The following ABCC4 variants were observed in gnomAD, a reference collection of about 807,000 sequenced individuals.
ABCC4 encodes ATP-binding cassette sub-family C member 4.
A neutral mutation model predicts 168.5 loss-of-function variants in ABCC4; 102 were observed. The ratio of observed to expected loss-of-function variants is 0.61; its 90% confidence interval spans 0.52 to 0.71. The LOEUF (loss-of-function observed/expected upper bound fraction) is 0.71, where lower values mean the gene tolerates loss of function less well. Among genes scored for constraint, ABCC4 ranks in the 30% least tolerant of loss-of-function variants. The pLI is 0.00. For missense variants in ABCC4, 1,402 were observed against 1,605.8 expected, an observed-to-expected ratio of 0.87 and a Z score of 2.17; for synonymous variants, 617 against 590.7, an observed-to-expected ratio of 1.04 and a Z score of -0.65.
In ABCC4 at chr13:95,142,583, T is replaced by TA. The variant is rs575698241; in HGVS notation, c.2455+18605dup. Among the ~76,000 whole-genome samples the TA allele has an allele frequency of 5.4e-3, 784 of 143,878 alleles. 1 individual carries two copies. The highest frequency in any genetic ancestry group is 0.013 in the South Asian group (61 of 4,564). The allele number at this position is 143,878 out of a possible 152,430, so 94.4% of individuals were successfully genotyped here. A position where few individuals can be genotyped will look rare whatever the true frequency, so the allele number is the denominator to read the frequency against. On this transcript the variant is annotated intron_variant, in intron 19 of 30. Transcript: ENST00000645237. ...CCTGCTCCCCAATAGCCTATGGAAA[T>TA]AAAAAAAAAAATTTTTAAATTTAAC...
chr13:95,168,113 C>T (rs567597848), intron 14 of ABCC4, among the ~76,000 whole-genome samples: 1 of 152,178 alleles, frequency 6.6e-6, no homozygotes, highest in East Asian at 1.9e-4. Flanking sequence ...AGTGATTCCC[C>T]CCGACACCCT....
intron 3 of ABCC4, among the ~76,000 whole-genome samples, chr13:95,238,195 GAAAAAAA>G (rs10644641): frequency 1.1e-4 from 7 of 65,872 alleles, no homozygotes; most frequent in African/African-American, 2.4e-4. Flanking sequence ...CTCCATCTCA[GAAAAAAA>G]AAAAAAAAAA....
intron 19 of ABCC4, among the ~76,000 whole-genome samples, chr13:95,145,448 C>A (rs1230995070): frequency 1.3e-5 from 2 of 150,860 alleles, no homozygotes; most frequent in African/African-American, 4.9e-5. Flanking sequence ...TGGTAAAACC[C>A]CATCTCTACC....
chr13:95,058,589 A>G (rs7319462), intron 26 of ABCC4, among the ~76,000 whole-genome samples: 3 of 39,896 alleles, frequency 7.5e-5, no homozygotes, highest in South Asian at 1.5e-3. Flanking sequence ...AAAAAAAAAA[A>G]AAAGAAAAGA....
intron 1 of ABCC4, among the ~76,000 whole-genome samples, chr13:95,266,885 T>TC (rs1378736997): frequency 6.7e-6 from 1 of 150,204 alleles, no homozygotes; most frequent in Non-Finnish European, 1.5e-5. Flanking sequence ...TCATCTTTTT[T>TC]TTTTTTTTTT....
intron 1 of ABCC4, among the ~76,000 whole-genome samples, chr13:95,274,900 A>C (rs1446873906): frequency 2.0e-5 from 3 of 152,090 alleles, no homozygotes; most frequent in Non-Finnish European, 4.4e-5. Flanking sequence ...AACATGGTAC[A>C]ACCCTGTCTC....
chr13:95,219,471 T>C (rs2039250704), intron 4 of ABCC4, among the ~76,000 whole-genome samples: 1 of 152,166 alleles, frequency 6.6e-6, no homozygotes, highest in African/African-American at 2.4e-5. Context: ...AAATGCAGTA[T>C]ACCCCCATTG....
chr13:95,090,841 C>G (rs746313881), intron 20 of ABCC4, among the ~76,000 whole-genome samples: 1 of 151,938 alleles, frequency 6.6e-6, no homozygotes, highest in Non-Finnish European at 1.5e-5. Context: ...CAGGGGGGCA[C>G]CAGAGAAAGG....
intron 29 of ABCC4, among the ~76,000 whole-genome samples, chr13:95,042,675 T>C (rs992945024): frequency 6.6e-6 from 1 of 152,216 alleles, no homozygotes; most frequent in Non-Finnish European, 1.5e-5. Context: ...ACAGCGCTGA[T>C]GGATCAAGAA....
intron 27 of ABCC4, among the ~76,000 whole-genome samples, chr13:95,046,452 G>A (rs555985793): frequency 1.6e-4 from 24 of 152,132 alleles, no homozygotes; most frequent in African/African-American, 5.1e-4. Flanking sequence ...TGATTGAATC[G>A]GGGATGGTTA....
intron 3 of ABCC4, among the ~76,000 whole-genome samples, chr13:95,244,670 A>AAAGAAATCAATCAATC (rs72377318): frequency 4.7e-5 from 5 of 106,356 alleles, no homozygotes; most frequent in Non-Finnish European, 8.2e-5. Context: ...AGAAAGAAAG[A>AAAGAAATCAATCAATC]AATCATAGCA....
At chr13:95,220,362 C>G (rs1017172682) in intron 4 of ABCC4, among the ~76,000 whole-genome samples, 1 of 152,084 alleles carries the variant, frequency 6.6e-6, no homozygotes, top group African/African-American at 2.4e-5. Flanking sequence ...CGTGATTTTC[C>G]TTTTTTCCTA....
intron 13 of ABCC4, among the ~76,000 whole-genome samples, chr13:95,173,581 G>A (rs1237262464): frequency 6.6e-6 from 1 of 152,214 alleles, no homozygotes; most frequent in African/African-American, 2.4e-5. Flanking sequence ...GTGCATGGCT[G>A]GAGGACTGGT....
At chr13:95,271,258 C>T (rs2040840119) in intron 1 of ABCC4, among the ~76,000 whole-genome samples, 1 of 152,072 alleles carries the variant, frequency 6.6e-6, no homozygotes, top group Non-Finnish European at 1.5e-5. Flanking sequence ...AGACAGCTGC[C>T]GACGGATTAC....
intron 19 of ABCC4, among the ~76,000 whole-genome samples, chr13:95,116,241 T>C (rs2035375488): frequency 6.6e-6 from 1 of 152,086 alleles, no homozygotes; most frequent in African/African-American, 2.4e-5. Flanking sequence ...TTTAAAAGAA[T>C]TAAGGGAAAA....
chr13:95,197,687 A>G (rs2038497876), intron 8 of ABCC4, among the ~76,000 whole-genome samples: 1 of 152,254 alleles, frequency 6.6e-6, no homozygotes, highest in African/African-American at 2.4e-5. Context: ...GATTGACTTC[A>G]GAGTGGACGG....
intron 4 of ABCC4, among the ~76,000 whole-genome samples, chr13:95,218,660 T>G (rs566213546): frequency 1.3e-5 from 2 of 151,780 alleles, no homozygotes; most frequent in African/African-American, 4.8e-5. Context: ...AAGACTAGAC[T>G]GGGCAACGTA....
At chr13:95,186,668 T>G (rs1408321473) in intron 11 of ABCC4, 33 bp downstream of exon 11, 3 of 1,593,342 alleles carry the variant, frequency 1.9e-6, no homozygotes, top group Non-Finnish European at 2.6e-6. Flanking sequence ...TACTGGACAT[T>G]CGAGTACATG....
intron 30 of ABCC4, among the ~76,000 whole-genome samples, chr13:95,023,055 C>T (rs924065687): frequency 6.6e-6 from 1 of 152,124 alleles, no homozygotes; most frequent in Admixed American, 6.6e-5. Context: ...TTTAAGCTAG[C>T]CATATTTTGT....
Sources: gnomAD v4.1 joint callset for allele counts (sites outside exome capture counted in the v4.1 genomes callset) on GRCh38, gnomAD v4.1.1 for gene constraint, MANE v1.5 for transcripts, NCBI Gene and HGNC (gene_info 2026-07-23, HGNC 2026-07-21) for gene names.